The following COL5A1 variants were observed in gnomAD, a reference collection of about 807,000 sequenced individuals.
COL5A1 encodes the protein collagen type V alpha 1 chain, also known as collagen alpha-1(V) chain.
In COL5A1, 16 loss-of-function variants were observed where a neutral mutation model predicts 263.7. That is an observed-to-expected ratio of 0.06 (90% confidence interval 0.04 to 0.09). The LOEUF is 0.09. Ranked by LOEUF, COL5A1 falls within the 10% of genes least tolerant of loss-of-function variation. The probability of loss-of-function intolerance (pLI) is 1.00; values close to 1 mark genes in which losing one functional copy is unlikely to be tolerated. For synonymous variants in COL5A1, 1,012 were observed against 1,004.5 expected (o/e 1.01, Z -0.14); for missense variants, 2,036 against 2,540.5 (o/e 0.80, Z 4.27).
rs149109974 is a variant in COL5A1 at position 134,816,946 on chromosome 9, C to A, written c.4123-80C>A. 842 of 1,306,148 alleles carry A rather than the reference C, an allele frequency of 6.4e-4. 4 individuals carry two copies. In the African/African-American group the frequency reaches 0.01, roughly 16 times the overall value. The allele number at this position is 1,306,148 out of a possible 1,614,324, so 80.9% of individuals were successfully genotyped here. ...CAGGGCTGGCCGAGGAGTAAATAGACTGAAATCGCCATGTGTTTTGCCTCA... is the reference window on the plus strand; with the variant it reads ...CAGGGCTGGCCGAGGAGTAAATAGAATGAAATCGCCATGTGTTTTGCCTCA... On this transcript the variant is annotated intron_variant, in intron 52 of 65. Coordinates refer to ENST00000371817, the MANE Select transcript of COL5A1 (RefSeq NM_000093.5).
chr9:134,719,417 TGCAC>T, intron 4 of COL5A1, among the ~76,000 whole-genome samples: 1 of 152,290 alleles, frequency 6.6e-6, no homozygotes, highest in East Asian at 1.9e-4. Flanking sequence ...ACCGGACACA[TGCAC>T]GCACACGTAT....
Position 134,820,234 on chromosome 9 carries a change from T to C in COL5A1, c.4554+11T>C, listed in dbSNP as rs1838939684. 6.2e-7 allele frequency: 1 copy of C among 1,602,688 alleles called. No individual in the cohort carries two copies. ...CCTAAGGGAGAACAGGTGCGTGAGA[T>C]GGCACTTCTTGCATGTGGGCTGTCG... On this transcript the variant is annotated intron_variant, in intron 58 of 65. Transcript: ENST00000371817.
chr9:134,731,414 A>G, intron 7 of COL5A1, 82 bp from the exon 8 acceptor site: 2 of 1,438,984 alleles, frequency 1.4e-6, no homozygotes, highest in South Asian at 1.2e-5. Flanking sequence ...CCGGATAGCC[A>G]CAGTGCCCGC....
rs946354934 is a variant in COL5A1 at position 134,824,969 on chromosome 9, G to A, written c.4954+114G>A. 1.9e-5 allele frequency: 27 copies of A among 1,394,100 alleles called. 1 individual carries two copies. The Admixed American group carries it at 6.3e-4, about 33-fold the overall frequency. 86.4% of individuals were successfully genotyped at this position (1,394,100 alleles called of 1,614,324 possible). On this transcript the variant is annotated intron_variant, in intron 62 of 65. Coordinates refer to ENST00000371817, the MANE Select transcript of COL5A1 (RefSeq NM_000093.5). ...CACAGCGGAAGGGACAGGACGGGCAGCCGCAGCCTCCCCATCTGTGGGGCC... is the reference window on the plus strand; with the variant it reads ...CACAGCGGAAGGGACAGGACGGGCAACCGCAGCCTCCCCATCTGTGGGGCC...
chr9:134,811,726 G>T, intron 46 of COL5A1, 127 bp downstream of exon 46: 1 of 808,118 alleles, frequency 1.2e-6, no homozygotes, highest in South Asian at 1.5e-5. Context: ...GGCCTCCTGG[G>T]CCTCCTCATT....
At chr9:134,810,160 T>G in intron 43 of COL5A1, 95 bp from the exon 44 acceptor site, 1 of 1,368,352 alleles carries the variant, frequency 7.3e-7, no homozygotes. Flanking sequence ...GAAAGGACAC[T>G]GTTCTTAATC....
At chr9:134,653,151 C>G (rs987426021) in intron 1 of COL5A1, 10 of 162,290 alleles carry the variant, frequency 6.2e-5, no homozygotes, top group Non-Finnish European at 1.3e-4. Flanking sequence ...ACAAAGCACC[C>G]ATGGTGCTGT....
At chr9:134,708,634 G>A in intron 4 of COL5A1, 1 of 518,880 alleles carries the variant, frequency 1.9e-6, no homozygotes, top group Middle Eastern at 3.2e-4. Context: ...AACACCAGCA[G>A]GTGAAGGGCA....
chr9:134,704,813 C>G (rs1327007671), intron 4 of COL5A1, among the ~76,000 whole-genome samples: 1 of 149,944 alleles, frequency 6.7e-6, no homozygotes, highest in Non-Finnish European at 1.5e-5. Flanking sequence ...TTTCCCTTAA[C>G]AGTGTGAGGA....
intron 1 of COL5A1, chr9:134,649,325 G>T: frequency 5.4e-6 from 2 of 368,766 alleles, no homozygotes; most frequent in South Asian, 2.2e-5. Context: ...CCTCATATTA[G>T]CAGTAAATGT....
chr9:134,645,816 C>G (rs970785474), intron 1 of COL5A1, among the ~76,000 whole-genome samples: 1 of 152,328 alleles, frequency 6.6e-6, no homozygotes, highest in African/African-American at 2.4e-5. Flanking sequence ...CAGCTCTCCC[C>G]GGGGAGAAGG....
chr9:134,690,547 T>A (rs906834095), intron 1 of COL5A1, among the ~76,000 whole-genome samples: 2 of 152,146 alleles, frequency 1.3e-5, no homozygotes, highest in Non-Finnish European at 2.9e-5. Flanking sequence ...GCTGGGTGTG[T>A]GGCCCCTGCC....
chr9:134,703,701 G>A (rs7859834), intron 4 of COL5A1, among the ~76,000 whole-genome samples: 80,177 of 143,994 alleles, frequency 0.56, 22,204 homozygotes, highest in Admixed American at 0.68. Flanking sequence ...GCAGTGGCAC[G>A]ATCTCGGCTC....
intron 43 of COL5A1, 134 bp from the exon 44 acceptor site, chr9:134,810,121 T>G (rs1227909672): frequency 1.1e-6 from 1 of 921,892 alleles, no homozygotes; most frequent in Non-Finnish European, 1.8e-6. Context: ...TGGAAACATT[T>G]ATTCGTAGGA....
chr9:134,764,540 G>A (rs898610223), intron 20 of COL5A1, among the ~76,000 whole-genome samples: 3 of 152,116 alleles, frequency 2.0e-5, no homozygotes, highest in African/African-American at 7.2e-5. Flanking sequence ...TCCCTAAGCA[G>A]ACATATATTT....
rs529647953 is a variant in COL5A1, at chr9:134,830,604, C to T, written c.5136+560C>T. On this transcript the variant is annotated intron_variant, in intron 64 of 65. Transcript: ENST00000371817. The stretch of plus-strand genomic sequence containing the variant: ...AGAGCTCCTTCTAGGACCTGCACCA[C>T]GGATCCCCTCTCCCCAGCTGCTCAG... 2.8e-4 allele frequency among the ~76,000 whole-genome samples: 42 copies of T among 152,306 alleles called. 1 individual carries two copies. In the East Asian group the frequency reaches 5.2e-3, roughly 19 times the overall value.
chr9:134,785,963 C>A, intron 30 of COL5A1, 32 bp from the exon 31 acceptor site: 1 of 1,595,200 alleles, frequency 6.3e-7, no homozygotes, highest in Non-Finnish European at 8.6e-7. Context: ...CAATACCGTG[C>A]TGGCCATTAA....
rs1016672815 is a variant in COL5A1 at position 134,821,981 on chromosome 9, G to A, written c.4555-116G>A. 1.1e-6 allele frequency: 1 copy of A among 900,306 alleles called. No individual in the cohort carries two copies. Among genetic ancestry groups the A allele is most frequent in the African/African-American group, 1.6e-5 (1 of 61,274 alleles). The allele number at this position is 900,306 out of a possible 1,614,324, so 55.8% of individuals were successfully genotyped here. The stretch of plus-strand genomic sequence containing the variant: ...ACAGGAGGCTGCTGAGGGGCCAAAG[G>A]GCATACCGTGGGGAAGGGACAGGGG... On this transcript the variant is annotated intron_variant, in intron 58 of 65. Transcript: ENST00000371817. This position sits in a 1 kb window ranked among gnomAD's most constrained non-coding sequence, Gnocchi z 4.2.
At chr9:134,743,720 C>T (rs181074210) in intron 11 of COL5A1, among the ~76,000 whole-genome samples, 39 of 152,292 alleles carry the variant, frequency 2.6e-4, no homozygotes, top group Non-Finnish European at 4.4e-4. Context: ...TGCTGCCCGG[C>T]GCTGTCTTAT....
Sources: allele counts gnomAD v4.1 joint callset (sites outside exome capture counted in the v4.1 genomes callset), GRCh38; gene constraint gnomAD v4.1.1; non-coding constraint Gnocchi (gnomAD v3.1); transcripts MANE v1.5; gene names NCBI Gene and HGNC (gene_info 2026-07-23, HGNC 2026-07-21).